Variants in RALGPS2 observed in about 807,000 individuals in gnomAD.
The protein encoded by RALGPS2 is Ral GEF with PH domain and SH3 binding motif 2.
A neutral mutation model predicts 86.8 loss-of-function variants in RALGPS2; 43 were observed. The ratio of observed to expected loss-of-function variants is 0.50; its 90% CI spans 0.39 to 0.64. The LOEUF is 0.64. RALGPS2 is among the 30% of genes least tolerant of loss of function. RALGPS2 has a pLI of 0.00. For missense variants in RALGPS2, 536 were observed against 694.6 expected (o/e 0.77, Z 2.57); for synonymous variants, 243 against 231.3 (o/e 1.05, Z -0.46).
At chr1:178,826,134 G>A (rs1655733660) in intron 7 of RALGPS2, among the ~76,000 whole-genome samples, 1 of 152,046 alleles carries the variant, frequency 6.6e-6, no homozygotes, top group Admixed American at 6.6e-5. Context: ...ACCGATAAAG[G>A]GAATGTACCA....
chr1:178,850,284 G>GA (rs904973605), intron 8 of RALGPS2: 1 of 152,194 alleles, frequency 6.6e-6, no homozygotes. Flanking sequence ...CAGTAAATTA[G>GA]AAAAAAAGTA....
At chr1:178,791,782 G>T (rs1003150818) in intron 4 of RALGPS2, among the ~76,000 whole-genome samples, 1 of 152,084 alleles carries the variant, frequency 6.6e-6, no homozygotes, top group African/African-American at 2.4e-5. Context: ...TTCTTGACTT[G>T]GAGGAAGAAA....
chr1:178,818,940 C>T (rs1655361870), intron 6 of RALGPS2, among the ~76,000 whole-genome samples: 1 of 150,756 alleles, frequency 6.6e-6, no homozygotes, highest in African/African-American at 2.4e-5. Context: ...TGTTCTACAT[C>T]TTAGGCAGAA....
rs181965751 is a variant in RALGPS2 at position 178,788,928 on chromosome 1, A to G, written c.213+3321A>G. Among the ~76,000 whole-genome samples the G allele has an allele frequency of 3.0e-4, 36 of 120,712 alleles. 1 individual carries two copies. The East Asian group carries it at 6.3e-3, about 21-fold the overall frequency. The allele number at this position is 120,712 out of a possible 152,430, so 79.2% of individuals were successfully genotyped here. On this transcript the variant is annotated intron_variant, in intron 4 of 19. Transcript: ENST00000367635. Reference sequence around the variant, plus strand: ...TCTTCTTTTTTCTTTTTTTTTGACAATCTTGCTCTGTCACCCAGGCTGGAA... The same window carrying G: ...TCTTCTTTTTTCTTTTTTTTTGACAGTCTTGCTCTGTCACCCAGGCTGGAA...
chr1:178,778,934 C>G (rs548722422), intron 2 of RALGPS2, among the ~76,000 whole-genome samples: 39 of 152,230 alleles, frequency 2.6e-4, no homozygotes, highest in Admixed American at 4.6e-4. Flanking sequence ...ACTTAAGATA[C>G]TTGAAAAATA....
chr1:178,808,194 AAAT>A, intron 5 of RALGPS2, 66 bp downstream of exon 5: 1 of 1,132,238 alleles, frequency 8.8e-7, no homozygotes, highest in Non-Finnish European at 1.3e-6. Flanking sequence ...TTTCCTTAAG[AAAT>A]AATTTAACTT....
At chr1:178,868,276 A>G (rs1658542708) in intron 8 of RALGPS2, among the ~76,000 whole-genome samples, 1 of 151,960 alleles carries the variant, frequency 6.6e-6, no homozygotes, top group South Asian at 2.1e-4. Flanking sequence ...GAATTTAGAT[A>G]TGGGTTATTT....
At chr1:178,898,335 A>G (rs1660031207) in intron 17 of RALGPS2, among the ~76,000 whole-genome samples, 1 of 152,010 alleles carries the variant, frequency 6.6e-6, no homozygotes, top group African/African-American at 2.4e-5. Flanking sequence ...TCTAAGTCAC[A>G]TGTTTTGGGG....
At chr1:178,813,186 G>A (rs1051147845) in intron 6 of RALGPS2, among the ~76,000 whole-genome samples, 10 of 152,188 alleles carry the variant, frequency 6.6e-5, no homozygotes, top group East Asian at 5.8e-4. Context: ...TCCCACCTCG[G>A]CCTCCCAAAG....
At chr1:178,795,825 G>A (rs1654162394) in intron 4 of RALGPS2, among the ~76,000 whole-genome samples, 1 of 151,946 alleles carries the variant, frequency 6.6e-6, no homozygotes, top group South Asian at 2.1e-4. Context: ...ATATAATCTT[G>A]GAAACATCCA....
chr1:178,835,837 G>T (rs1656247494), intron 8 of RALGPS2, among the ~76,000 whole-genome samples: 1 of 152,096 alleles, frequency 6.6e-6, no homozygotes, highest in South Asian at 2.1e-4. Flanking sequence ...AATTATACCT[G>T]CTGAACTCTC....
intron 1 of RALGPS2, among the ~76,000 whole-genome samples, chr1:178,729,127 TTTCTG>T (rs1440867555): frequency 1.3e-5 from 2 of 152,188 alleles, no homozygotes; most frequent in African/African-American, 2.4e-5. Flanking sequence ...AATTGATAGT[TTTCTG>T]TTATTTCACT....
Position 178,892,278 on chromosome 1 carries a change from T to C in RALGPS2, c.1296T>C (p.Asn432=). 1 of 1,612,696 alleles carries C rather than the reference T, an allele frequency of 6.2e-7. No individual in the cohort carries two copies. Among genetic ancestry groups the C allele is most frequent in the African/African-American group, 1.3e-5 (1 of 74,940 alleles). Residue 432 remains asparagine (N), a synonymous_variant, in exon 15 of 20, where the codon AAT becomes AAC. Transcript: ENST00000367635. ...SLGPVTRVAR[N]GYRSHMKASS... The stretch of plus-strand genomic sequence containing the variant: ...GCCCGGTGACAAGAGTGGCACGAAA[T>C]GGCTATCGAAGTCACATGAAGGCCA...
intron 1 of RALGPS2, among the ~76,000 whole-genome samples, chr1:178,746,034 C>G (rs1318490057): frequency 6.6e-6 from 1 of 151,856 alleles, no homozygotes; most frequent in Non-Finnish European, 1.5e-5. Flanking sequence ...GTTGGCCAGG[C>G]TGGTCTCGAC....
At chr1:178,864,975 G>A (rs769773335) in intron 8 of RALGPS2, 3 of 1,459,234 alleles carry the variant, frequency 2.1e-6, no homozygotes, top group Non-Finnish European at 2.7e-6. Context: ...AAAGTTACCG[G>A]TGGTATCTTG....
chr1:178,900,328 G>A (rs1415564396), intron 17 of RALGPS2, among the ~76,000 whole-genome samples: 4 of 151,850 alleles, frequency 2.6e-5, no homozygotes, highest in Non-Finnish European at 5.9e-5. Context: ...TGGGTAGAGT[G>A]ATCAACCTCA....
At chr1:178,906,702 A>G (rs1177900778) in intron 18 of RALGPS2, 74 bp from the exon 19 acceptor site, 1 of 1,209,018 alleles carries the variant, frequency 8.3e-7, no homozygotes. Context: ...TAATTTGCTC[A>G]TTATTATCTG....
At chr1:178,768,543 A>G (rs115983069) in intron 1 of RALGPS2, among the ~76,000 whole-genome samples, 5,517 of 152,288 alleles carry the variant, frequency 0.036, 124 homozygotes, top group Middle Eastern at 0.058. Flanking sequence ...GGTAAGAGCT[A>G]GCTGTGGCCA....
chr1:178,744,833 A>G (rs1028358350), intron 1 of RALGPS2, among the ~76,000 whole-genome samples: 4 of 151,648 alleles, frequency 2.6e-5, no homozygotes, highest in South Asian at 2.1e-4. Context: ...AAAAAAAAAA[A>G]AAAAGAAAGG....
Sources: gnomAD v4.1 joint callset for allele counts (sites outside exome capture counted in the v4.1 genomes callset) on GRCh38, gnomAD v4.1.1 for gene constraint, MANE v1.5 for transcripts, NCBI Gene and HGNC (gene_info 2026-07-23, HGNC 2026-07-21) for gene names.